Variants in STX7 observed in about 807,000 individuals in gnomAD.
STX7 encodes the protein syntaxin 7.
In STX7, 34 loss-of-function variants were observed where a neutral mutation model predicts 39.6. The observed-to-expected ratio is 0.86, with a 90% confidence interval of 0.65 to 1.14. The LOEUF is 1.14. Among genes scored for constraint, STX7 ranks in the 50% most tolerant of loss-of-function variants. STX7 has a pLI of 0.00. For synonymous variants in STX7, 119 were observed against 99.1 expected, an observed-to-expected ratio of 1.20 and a Z score of -1.19; for missense variants, 284 against 310.4, an observed-to-expected ratio of 0.92 and a Z score of 0.64.
chr6:132,505,198 A>G (rs887648363), intron 1 of STX7, among the ~76,000 whole-genome samples: 1 of 152,212 alleles, frequency 6.6e-6, no homozygotes, highest in African/African-American at 2.4e-5. Flanking sequence ...ACCCACCCAC[A>G]GGTGGAGGTG....
At position 132,468,412 on chromosome 6, in the gene STX7, C is replaced by T. The variant is rs763736446; in HGVS notation, c.601G>A (p.Asp201Asn). Reference sequence around the variant, plus strand: ...AGTCAGCAGGTCTTACCTATTACATCTCCTTGTTCATGAATCATCATTCCC... The same window carrying T: ...AGTCAGCAGGTCTTACCTATTACATTTCCTTGTTCATGAATCATCATTCCC... ...DLGMMIHEQGDVIDSIEANVE... is the reference protein window; with the variant it reads ...DLGMMIHEQGNVIDSIEANVE... Residue 201 changes from aspartate to asparagine, a missense_variant, in exon 8 of 10, where the codon GAT becomes AAT. Physicochemically the swap from Asp to Asn is conservative, Grantham distance 23. Coordinates refer to ENST00000367941, the MANE Select transcript of STX7 (RefSeq NM_003569.3). The T allele has an allele frequency of 6.2e-7, 1 of 1,609,292 alleles. No homozygotes were observed. The highest frequency in any genetic ancestry group is 1.1e-5 in the South Asian group (1 of 90,670).
At chr6:132,486,728 G>A (rs540139220) in intron 2 of STX7, among the ~76,000 whole-genome samples, 37 of 148,750 alleles carry the variant, frequency 2.5e-4, no homozygotes, top group African/African-American at 4.2e-4. Context: ...GTGCAGTGGC[G>A]TGACCTCAGC....
rs1160846776 is a variant in STX7 at position 132,450,925 on chromosome 6, G to C, written c.*9833C>G. On this transcript the variant is annotated 3_prime_UTR_variant, in exon 10 of 10. Coordinates refer to ENST00000367941, the MANE Select transcript of STX7 (RefSeq NM_003569.3). ...AAAGACATAAACATATAGATGGTGA[G>C]AAGACCTCAAATATAATAAACCCCC... The C allele has an allele frequency of 1.3e-5, 2 of 151,438 alleles. No homozygotes were observed. Among genetic ancestry groups the C allele is most frequent in the Non-Finnish European group, 2.9e-5 (2 of 67,876 alleles). 9.4% of individuals were successfully genotyped at this position (151,438 alleles called of 1,614,324 possible).
chr6:132,484,296 T>C (rs1484506855), intron 2 of STX7, among the ~76,000 whole-genome samples: 2 of 152,208 alleles, frequency 1.3e-5, no homozygotes, highest in Non-Finnish European at 2.9e-5. Context: ...GTCCCGTTTC[T>C]GGCTCTTCTA....
intron 6 of STX7, among the ~76,000 whole-genome samples, 171 bp from the exon 7 acceptor site, chr6:132,470,218 T>A (rs1043420374): frequency 6.7e-6 from 1 of 148,764 alleles, no homozygotes; most frequent in Non-Finnish European, 1.5e-5. Context: ...AATTTATTCA[T>A]TTTTCATTTC....
chr6:132,462,383 TG>T (rs1437027425), intron 9 of STX7, among the ~76,000 whole-genome samples: 3 of 152,054 alleles, frequency 2.0e-5, no homozygotes, highest in Admixed American at 2.0e-4. Context: ...AGTCCTGGGG[TG>T]TAGCTTGGGA....
rs531033307 is a variant in STX7, at chr6:132,461,618, A to G, written c.694-768T>C. The G allele has an allele frequency of 4.7e-4, 241 of 516,138 alleles. 1 individual carries two copies. Among genetic ancestry groups the G allele is most frequent in the Non-Finnish European group, 6.8e-4 (200 of 293,854 alleles). 32.0% of individuals were successfully genotyped at this position (516,138 alleles called of 1,614,324 possible). A position where few individuals can be genotyped will look rare whatever the true frequency, so the allele number is the denominator to read the frequency against. On this transcript the variant is annotated intron_variant, in intron 9 of 9. Transcript: ENST00000367941. ...AGCCACCACGCCCAGCCCCTCACAC[A>G]TATTTCTTGTTTCCAAAATACAATG...
At chr6:132,460,961 T>C (rs2114345946) in intron 9 of STX7, 111 bp from the exon 10 acceptor site, 2 of 827,914 alleles carry the variant, frequency 2.4e-6, no homozygotes, top group East Asian at 2.7e-5. Context: ...AAATCAGTAG[T>C]AGTATATTGC....
At position 132,475,638 on chromosome 6, in the gene STX7, T is replaced by C. The variant is rs1187133503; in HGVS notation, c.110A>G (p.Asn37Ser). 2 of 1,609,364 alleles carry C rather than the reference T, an allele frequency of 1.2e-6. No homozygotes were observed. Among genetic ancestry groups the C allele is most frequent in the Non-Finnish European group, 1.7e-6 (2 of 1,177,870 alleles). The change falls in exon 3 of 10, where the codon AAT becomes AGT. Residue 37 changes from asparagine (N) to serine (S), a missense_variant. By Grantham distance (46) the Asn-to-Ser change is conservative. Transcript: ENST00000367941. ...QCSVEIQRTL[N>S]QLGTPQDSPE... is the part of the protein sequence containing the mutation. ...TGAATCTTGAGGTGTTCCAAGTTGA[T>C]TCAGAGTTCTTTGTATTTCCACAGC...
At chr6:132,508,094 CT>C (rs1482059021) in intron 1 of STX7, among the ~76,000 whole-genome samples, 3 of 152,328 alleles carry the variant, frequency 2.0e-5, no homozygotes, top group African/African-American at 7.2e-5. Context: ...AGAACAAATG[CT>C]TTTCCACCCT....
chr6:132,447,264 CA>C lies in STX7; in HGVS notation c.*13493del. On this transcript the variant is annotated 3_prime_UTR_variant, in exon 10 of 10. Transcript: ENST00000367941. ...ACATAGAGCGTTTCTTATCAGTCAA[CA>C]AAACTATTTCCAGAGAGGCTTGAAA... The C allele has an allele frequency of 6.6e-6, 1 of 152,252 alleles. No homozygotes were observed. The highest frequency in any genetic ancestry group is 1.5e-5 in the Non-Finnish European group (1 of 67,984). The allele number at this position is 152,252 out of a possible 1,614,324, so 9.4% of individuals were successfully genotyped here.
chr6:132,473,464 G>A (rs1329510761), intron 3 of STX7, among the ~76,000 whole-genome samples: 2 of 148,082 alleles, frequency 1.4e-5, no homozygotes, highest in East Asian at 3.9e-4. Context: ...TAATGTAAAT[G>A]CTATGTAAAT....
Position 132,496,537 on chromosome 6 carries a change from T to C in STX7, c.85+6909A>G, listed in dbSNP as rs548897229. 6.5e-4 allele frequency among the ~76,000 whole-genome samples: 99 copies of C among 152,312 alleles called. 1 individual carries two copies. Among genetic ancestry groups the C allele is most frequent in the Admixed American group, 1.2e-3 (19 of 15,296 alleles). On this transcript the variant is annotated intron_variant, in intron 2 of 9. Transcript: ENST00000367941. ...TTGAGTGTGATGGCTTCTTCAATTA[T>C]GGGATTTTATGAGCATGCATTATGG...
At chr6:132,493,228 A>G (rs1427484294) in intron 2 of STX7, among the ~76,000 whole-genome samples, 1 of 152,252 alleles carries the variant, frequency 6.6e-6, no homozygotes, top group Non-Finnish European at 1.5e-5. Flanking sequence ...TTGCAGAATA[A>G]TATCTTGTAT....
At chr6:132,506,878 T>C (rs942341274) in intron 1 of STX7, among the ~76,000 whole-genome samples, 4 of 152,148 alleles carry the variant, frequency 2.6e-5, no homozygotes, top group African/African-American at 9.7e-5. Context: ...AACAAAGATT[T>C]GGAATTAACC....
chr6:132,460,522 T>C lies in STX7; in HGVS notation c.*236A>G, dbSNP rs919338061. On this transcript the variant is annotated 3_prime_UTR_variant, in exon 10 of 10. Transcript: ENST00000367941. ...GCAATGTGGGCAAAAACTTAACAAC[T>C]ATTAAATTGAAGACCAAGGGAGTTA... 4 of 347,276 alleles carry C rather than the reference T, an allele frequency of 1.2e-5. No individual in the cohort carries two copies. Among genetic ancestry groups the C allele is most frequent in the Admixed American group, 4.6e-5 (1 of 21,950 alleles). The allele number at this position is 347,276 out of a possible 1,614,324, so 21.5% of individuals were successfully genotyped here. A position where few individuals can be genotyped will look rare whatever the true frequency, so the allele number is the denominator to read the frequency against.
In STX7 at chr6:132,472,351, G is replaced by A. The variant is rs768916471; in HGVS notation, c.180C>T (p.Asn60=). The A allele has an allele frequency of 6.2e-6, 10 of 1,613,174 alleles. No homozygotes were observed. The highest frequency in any genetic ancestry group is 1.3e-5 in the African/African-American group (1 of 74,834). ...QQLQQKQQYT[N]QLAKETDKYI... ...ACTTATCTGTTTCTTTGGCAAGCTG[G>A]TTAGTATACTGCTGCTTCTGTTGCC... Residue 60 remains asparagine (N), a synonymous_variant, in exon 4 of 10, where the codon AAC becomes AAT. Transcript: ENST00000367941.
rs1032522340 is a variant in STX7 at position 132,512,333 on chromosome 6, T to A, written c.-59+674A>T. On this transcript the variant is annotated intron_variant, in intron 1 of 9. Coordinates refer to ENST00000367941, the MANE Select transcript of STX7 (RefSeq NM_003569.3). ...ACAGCATTTGATCAGAAATGCAACT[T>A]TTTTTCTTTGTCTGAATTTAAAGAA... Among the ~76,000 whole-genome samples, 73 of 152,194 alleles carry A rather than the reference T, an allele frequency of 4.8e-4. 1 individual carries two copies. Among genetic ancestry groups the A allele is most frequent in the African/African-American group, 1.7e-3 (69 of 41,490 alleles).
chr6:132,473,403 T>A (rs997764729), intron 3 of STX7, among the ~76,000 whole-genome samples: 3 of 151,978 alleles, frequency 2.0e-5, no homozygotes, highest in African/African-American at 7.2e-5. Flanking sequence ...CCTATGCATA[T>A]CCTCCCATAT....
Sources: gnomAD v4.1 joint callset for allele counts (sites outside exome capture counted in the v4.1 genomes callset) on GRCh38, gnomAD v4.1.1 for gene constraint, MANE v1.5 for transcripts, NCBI Gene and HGNC (gene_info 2026-07-23, HGNC 2026-07-21) for gene names.